MSRA: variants seen among roughly 807,000 people sequenced by gnomAD.
The protein encoded by MSRA is mitochondrial peptide methionine sulfoxide reductase.
MSRA carries 54 observed loss-of-function variants against 31.3 expected under a neutral mutation model. That is an observed-to-expected ratio of 1.73 (90% CI 1.39 to 2.17). The LOEUF (loss-of-function observed/expected upper bound fraction) is 2.17. MSRA is among the 30% of genes most tolerant of loss of function. The pLI, the probability that MSRA is intolerant of heterozygous loss-of-function variation, is 0.00. For missense variants in MSRA, 507 were observed against 300.9 expected (o/e 1.69, Z -5.07); for synonymous variants, 169 against 116.5 (o/e 1.45, Z -2.90).
At chr8:10,120,606 T>A (rs561303258) in intron 1 of MSRA, among the ~76,000 whole-genome samples, 1 of 152,362 alleles carries the variant, frequency 6.6e-6, no homozygotes, top group South Asian at 2.1e-4. Flanking sequence ...AAGAATTTCT[T>A]GGAACTATGC....
chr8:10,399,574 G>A (rs1172375812), intron 5 of MSRA, among the ~76,000 whole-genome samples: 1 of 152,190 alleles, frequency 6.6e-6, no homozygotes, highest in Non-Finnish European at 1.5e-5. Context: ...CAGAAGCCGA[G>A]CAGATGCCAG....
At chr8:10,097,491 A>C (rs942960934) in intron 1 of MSRA, among the ~76,000 whole-genome samples, 125 of 152,342 alleles carry the variant, frequency 8.2e-4, no homozygotes, top group African/African-American at 2.8e-3. Context: ...ACAATATATG[A>C]AACAAAAAGA....
chr8:10,274,567 G>C (rs2129102683), intron 3 of MSRA, among the ~76,000 whole-genome samples: 1 of 152,340 alleles, frequency 6.6e-6, no homozygotes, highest in South Asian at 2.1e-4. Context: ...GGACTTTTCA[G>C]ACATACCTGT....
At chr8:10,088,789 A>C (rs895576081) in intron 1 of MSRA, among the ~76,000 whole-genome samples, 3 of 152,208 alleles carry the variant, frequency 2.0e-5, no homozygotes, top group Admixed American at 2.0e-4. Flanking sequence ...ATATGTATAC[A>C]ATGGAATACT....
chr8:10,095,679 A>ATTT (rs1799105301), intron 1 of MSRA: 1 of 1,015,646 alleles, frequency 9.8e-7, no homozygotes, highest in South Asian at 4.6e-5. Context: ...AGCTTCAGGA[A>ATTT]AGAAAACCGT....
chr8:10,088,505 C>T (rs184863533), intron 1 of MSRA, among the ~76,000 whole-genome samples: 12 of 152,192 alleles, frequency 7.9e-5, no homozygotes, highest in African/African-American at 7.2e-5. Flanking sequence ...GAGGCTGAAG[C>T]GGGTGGATCA....
At chr8:10,359,973 G>A (rs1381254679) in intron 5 of MSRA, among the ~76,000 whole-genome samples, 1 of 152,140 alleles carries the variant, frequency 6.6e-6, no homozygotes, top group Admixed American at 6.5e-5. Flanking sequence ...CTTTTACCTG[G>A]CCAACCTCCT....
intron 1 of MSRA, among the ~76,000 whole-genome samples, chr8:10,100,981 C>T (rs1799494571): frequency 6.6e-6 from 1 of 152,108 alleles, no homozygotes; most frequent in South Asian, 2.1e-4. Context: ...TTCCTATTAG[C>T]CCTTCTAAGT....
At chr8:10,252,907 G>A (rs533819200) in intron 3 of MSRA, among the ~76,000 whole-genome samples, 1 of 152,156 alleles carries the variant, frequency 6.6e-6, no homozygotes, top group East Asian at 1.9e-4. Context: ...GGGGTTCTCT[G>A]GCAGTATCTA....
In MSRA at chr8:10,400,067, G is replaced by GGT. The variant is rs1401405713; in HGVS notation, c.544-28069_544-28068dup. On this transcript the variant is annotated intron_variant, in intron 5 of 5. Coordinates refer to ENST00000317173, the MANE Select transcript of MSRA (RefSeq NM_012331.5). ...TAGCAGCCATTTCAGTGTCTCTAAA[G>GGT]GTGTGTGTGTGTGAAGGTGGGAGGT... 3.3e-5 allele frequency among the ~76,000 whole-genome samples: 5 copies of GGT among 152,048 alleles called. No homozygotes were observed. In the East Asian group the frequency reaches 7.7e-4, roughly 23 times the overall value.
At chr8:10,263,907 G>C (rs1289370747) in intron 3 of MSRA, among the ~76,000 whole-genome samples, 1 of 152,148 alleles carries the variant, frequency 6.6e-6, no homozygotes, top group African/African-American at 2.4e-5. Flanking sequence ...CATTTTAAAA[G>C]CTTTGTTATT....
At chr8:10,337,550 C>T (rs1480891569) in intron 5 of MSRA, 2 of 608,450 alleles carry the variant, frequency 3.3e-6, no homozygotes, top group Non-Finnish European at 5.9e-6. Flanking sequence ...AGCATTAAGT[C>T]TGATATACAT....
chr8:10,117,778 C>T (rs184150456), intron 1 of MSRA, among the ~76,000 whole-genome samples: 1 of 152,194 alleles, frequency 6.6e-6, no homozygotes, highest in East Asian at 1.9e-4. Context: ...GACTCTGTTT[C>T]CTTTGATGAA....
chr8:10,333,042 C>T (rs952961648), intron 5 of MSRA, among the ~76,000 whole-genome samples: 1 of 151,892 alleles, frequency 6.6e-6, no homozygotes, highest in African/African-American at 2.4e-5. Flanking sequence ...TACCTACTGC[C>T]CAGGTTGATG....
At chr8:10,071,876 A>G (rs1797748616) in intron 1 of MSRA, among the ~76,000 whole-genome samples, 1 of 152,110 alleles carries the variant, frequency 6.6e-6, no homozygotes, top group Non-Finnish European at 1.5e-5. Flanking sequence ...TCCAAGGAAA[A>G]CACAACACAG....
At chr8:10,164,864 C>A (rs1328379838) in intron 1 of MSRA, among the ~76,000 whole-genome samples, 1 of 152,096 alleles carries the variant, frequency 6.6e-6, no homozygotes, top group Non-Finnish European at 1.5e-5. Context: ...CCTGTCTCTA[C>A]TAAAAATATA....
intron 5 of MSRA, among the ~76,000 whole-genome samples, chr8:10,392,330 C>T (rs1307250614): frequency 6.6e-6 from 1 of 152,178 alleles, no homozygotes; most frequent in Non-Finnish European, 1.5e-5. Context: ...ATCGTGATGG[C>T]TAGAAGGAGT....
At chr8:10,109,413 C>G (rs1039746407) in intron 1 of MSRA, among the ~76,000 whole-genome samples, 2 of 151,612 alleles carry the variant, frequency 1.3e-5, no homozygotes, top group Non-Finnish European at 2.9e-5. Flanking sequence ...GCAGTCTTGG[C>G]TCACTGCAAC....
At chr8:10,196,137 A>G (rs959681610) in intron 1 of MSRA, among the ~76,000 whole-genome samples, 2 of 152,214 alleles carry the variant, frequency 1.3e-5, no homozygotes, top group African/African-American at 4.8e-5. Flanking sequence ...CTCCAGGCAT[A>G]CGATGTGCCT....
Sources: gnomAD v4.1 joint callset for allele counts (sites outside exome capture counted in the v4.1 genomes callset) on GRCh38, gnomAD v4.1.1 for gene constraint, MANE v1.5 for transcripts, NCBI Gene and HGNC (gene_info 2026-07-23, HGNC 2026-07-21) for gene names.